ANKRD11: variants seen among roughly 807,000 people sequenced by gnomAD.
ANKRD11 encodes ankyrin repeat domain-containing protein 11.
Under a neutral mutation model 195.7 loss-of-function variants are expected in ANKRD11, and 17 were observed. The observed-to-expected ratio is 0.09, with a 90% CI of 0.06 to 0.13. ANKRD11 has a LOEUF of 0.13. Among genes scored for constraint, ANKRD11 ranks in the 10% least tolerant of loss-of-function variants. ANKRD11 has a pLI of 1.00. For missense variants in ANKRD11, 3,735 were observed against 3,566.1 expected (o/e 1.05, Z -1.21); for synonymous variants, 1,953 against 1,528.1 (o/e 1.28, Z -6.49).
chr16:89,479,710 C>T (rs1023330687), intron 1 of ANKRD11, among the ~76,000 whole-genome samples: 5 of 151,732 alleles, frequency 3.3e-5, no homozygotes, highest in Admixed American at 6.6e-5. Flanking sequence ...TTTGGGAGGC[C>T]GAGGGGGCGG....
intron 2 of ANKRD11, among the ~76,000 whole-genome samples, chr16:89,330,687 G>T (rs1465065819): frequency 4.6e-5 from 5 of 108,002 alleles, no homozygotes; most frequent in African/African-American, 1.5e-4. Flanking sequence ...GGGGGCGGAG[G>T]AAGCTGCAGC....
chr16:89,396,194 A>G (rs1039560125), intron 2 of ANKRD11: 8 of 152,240 alleles, frequency 5.3e-5, no homozygotes, highest in African/African-American at 1.7e-4. Context: ...TGAAGAACTA[A>G]AAGTCTCCCT....
chr16:89,283,071 C>T lies in ANKRD11; in HGVS notation c.3471G>A (p.Glu1157=), dbSNP rs944749764. 10 of 1,613,992 alleles carry T rather than the reference C, an allele frequency of 6.2e-6. No homozygotes were observed. The highest frequency in any genetic ancestry group is 8.5e-6 in the Non-Finnish European group (10 of 1,180,024). Residue 1157 remains glutamate, a synonymous_variant, in exon 9 of 13, where the codon GAG becomes GAA. Transcript: ENST00000301030. This position sits in a 1 kb window ranked among gnomAD's most constrained non-coding sequence, Gnocchi z 4.3. ...TCCTGTGTCTGTCGGAGGCATAGGC[C>T]TCCCGTCCTTCCTCCTTCTCCTGGA... is the stretch of plus-strand genomic sequence containing the variant. ...DGLQEKEEGR[E]AYASDRHRKS... is the part of the protein sequence containing the mutation.
At chr16:89,450,621 T>C (rs2044026870) in intron 1 of ANKRD11, among the ~76,000 whole-genome samples, 1 of 152,224 alleles carries the variant, frequency 6.6e-6, no homozygotes, top group South Asian at 2.1e-4. Context: ...TCTTTCGCTA[T>C]GCATACATTC....
intron 2 of ANKRD11, among the ~76,000 whole-genome samples, chr16:89,414,216 G>A (rs1394313919): frequency 1.3e-5 from 2 of 152,226 alleles, no homozygotes; most frequent in Non-Finnish European, 2.9e-5. Context: ...AAAACATTAA[G>A]TCCAAGCCTC....
intron 11 of ANKRD11, chr16:89,271,450 A>C (rs1415994425): frequency 4.6e-6 from 1 of 215,974 alleles, no homozygotes; most frequent in Non-Finnish European, 9.5e-6. Flanking sequence ...GAGACTTTCT[A>C]GATATGTCAC....
At chr16:89,322,249 A>T (rs1204147137) in intron 2 of ANKRD11, among the ~76,000 whole-genome samples, 4 of 152,240 alleles carry the variant, frequency 2.6e-5, no homozygotes, top group Non-Finnish European at 5.9e-5. Flanking sequence ...CTCCCTGAAC[A>T]GATGTGACAA....
intron 1 of ANKRD11, among the ~76,000 whole-genome samples, chr16:89,448,538 T>G (rs2043912149): frequency 1.3e-5 from 2 of 152,184 alleles, no homozygotes; most frequent in South Asian, 2.1e-4. Context: ...TACTACTATA[T>G]TATTAAAACT....
chr16:89,276,185 C>T (rs965502807), intron 9 of ANKRD11, among the ~76,000 whole-genome samples: 1 of 152,158 alleles, frequency 6.6e-6, no homozygotes, highest in African/African-American at 2.4e-5. Context: ...AAGGCTGGGG[C>T]GACTCATGGC....
Position 89,285,123 on chromosome 16 carries a change from G to C in ANKRD11, c.1419C>G (p.Ser473Arg). Residue 473 changes from serine (S) to arginine (R), a missense_variant, in exon 9 of 13, where the codon AGC becomes AGG. Coordinates refer to ENST00000301030, the MANE Select transcript of ANKRD11 (RefSeq NM_013275.6). This position sits in a 1 kb window ranked among gnomAD's most constrained non-coding sequence, Gnocchi z 5.6. ...KGREVRFGKRSDKFCSSESES... is the reference protein window; with the variant it reads ...KGREVRFGKRRDKFCSSESES... The stretch of plus-strand genomic sequence containing the variant: ...CCGACTCCGAGGAGCAGAACTTGTC[G>C]CTCCGCTTTCCGAAGCGAACCTCTC... The C allele has an allele frequency of 6.2e-7, 1 of 1,613,626 alleles. No individual in the cohort carries two copies. The highest frequency in any genetic ancestry group is 1.3e-5 in the African/African-American group (1 of 75,040).
intron 1 of ANKRD11, among the ~76,000 whole-genome samples, chr16:89,465,495 G>A (rs2056850420): frequency 6.6e-6 from 1 of 152,164 alleles, no homozygotes; most frequent in South Asian, 2.1e-4. Flanking sequence ...AGGCCTTTCT[G>A]TGCCACACCG....
At chr16:89,324,349 A>T in intron 2 of ANKRD11, 1 of 1,086,884 alleles carries the variant, frequency 9.2e-7, no homozygotes. Context: ...GCCTCACAGA[A>T]GAGGGAAAAA....
At chr16:89,308,097 G>GCCA (rs2036401412) in intron 3 of ANKRD11, among the ~76,000 whole-genome samples, 1 of 151,974 alleles carries the variant, frequency 6.6e-6, no homozygotes, top group African/African-American at 2.4e-5. Context: ...ATGTGAAGAG[G>GCCA]CCACCATCAC....
intron 3 of ANKRD11, among the ~76,000 whole-genome samples, chr16:89,312,654 G>A (rs113266431): frequency 0.01 from 1,597 of 152,280 alleles, 25 homozygotes; most frequent in African/African-American, 0.036. Context: ...GGCCCACAGC[G>A]GTCTCAGGGG....
intron 1 of ANKRD11, among the ~76,000 whole-genome samples, 175 bp downstream of exon 1, chr16:89,490,070 C>G (rs1170075463): frequency 2.7e-5 from 4 of 148,066 alleles, no homozygotes. Context: ...ATTATTGGTC[C>G]CTCACGATCG....
At chr16:89,424,919 G>A (rs1453000063) in intron 1 of ANKRD11, among the ~76,000 whole-genome samples, 1 of 152,118 alleles carries the variant, frequency 6.6e-6, no homozygotes, top group Non-Finnish European at 1.5e-5. Flanking sequence ...CAGGCAACCT[G>A]AGTAAGACCG....
At chr16:89,402,840 G>A (rs1029778623) in intron 2 of ANKRD11, among the ~76,000 whole-genome samples, 1 of 150,416 alleles carries the variant, frequency 6.6e-6, no homozygotes, top group East Asian at 2.0e-4. Context: ...ACTGCGGGAG[G>A]AGGTGGGCGG....
intron 2 of ANKRD11, among the ~76,000 whole-genome samples, chr16:89,325,640 G>C (rs2037668845): frequency 6.6e-6 from 1 of 152,250 alleles, no homozygotes; most frequent in South Asian, 2.1e-4. Flanking sequence ...AATTGGAAGG[G>C]ACGGTGAAAC....
intron 4 of ANKRD11, among the ~76,000 whole-genome samples, chr16:89,304,348 G>A (rs867959203): frequency 2.8e-5 from 4 of 140,844 alleles, no homozygotes; most frequent in South Asian, 4.7e-4. Context: ...ACACACACAC[G>A]GGCGCATACA....
Sources: allele counts gnomAD v4.1 joint callset (sites outside exome capture counted in the v4.1 genomes callset), GRCh38; gene constraint gnomAD v4.1.1; non-coding constraint Gnocchi (gnomAD v3.1); transcripts MANE v1.5; gene names NCBI Gene and HGNC (gene_info 2026-07-23, HGNC 2026-07-21).